Variants in ECM1 observed in about 807,000 individuals in gnomAD.
ECM1 encodes the protein secretory component p85.
ECM1 carries 54 observed loss-of-function variants against 57.9 expected under a neutral mutation model. The ratio of observed to expected loss-of-function variants is 0.93; its 90% CI spans 0.75 to 1.17. The LOEUF (loss-of-function observed/expected upper bound fraction) is 1.17. Among genes scored for constraint, ECM1 ranks in the 50% most tolerant of loss-of-function variants. The pLI, the probability that ECM1 is intolerant of heterozygous loss-of-function variation, is 0.00. For missense variants in ECM1, 649 were observed against 688.1 expected (o/e 0.94, Z 0.64); for synonymous variants, 237 against 259.1 (o/e 0.91, Z 0.82).
Position 150,512,550 on chromosome 1 carries a change from AACCAAAGAGTTCTC to A in ECM1, c.1288_1301del (p.Arg430AlafsTer2). 6.2e-7 allele frequency: 1 copy of A among 1,613,618 alleles called. No individual in the cohort carries two copies. Among genetic ancestry groups the A allele is most frequent in the Non-Finnish European group, 8.5e-7 (1 of 1,179,982 alleles). On this transcript the variant is annotated frameshift_variant, in exon 8 of 10. Coordinates refer to ENST00000369047, the MANE Select transcript of ECM1 (RefSeq NM_004425.4). LOFTEE classifies it high-confidence loss of function. ...CAACCTCATGGGCCACCTCTGTGGA[AACCAAAGAGTTCTC>A]ACCAAGCAGTAAGTTGCCTAGTCCT...
chr1:150,510,498 C>T (rs1670407475), intron 5 of ECM1: 3 of 558,840 alleles, frequency 5.4e-6, no homozygotes, highest in South Asian at 4.1e-5. Flanking sequence ...TTGCTTACTC[C>T]TTCTACCCAG....
At chr1:150,511,231 C>G in intron 6 of ECM1, 33 bp downstream of exon 6, 3 of 1,612,192 alleles carry the variant, frequency 1.9e-6, no homozygotes, top group Non-Finnish European at 2.5e-6. Context: ...GGGGGGTGTC[C>G]TTTAACCCCA....
At chr1:150,510,340 A>T in intron 5 of ECM1, 158 bp downstream of exon 5, 2 of 715,978 alleles carry the variant, frequency 2.8e-6, no homozygotes, top group Non-Finnish European at 4.9e-6. Context: ...TTCATCTGTA[A>T]AATTGAGGAT....
chr1:150,510,412 T>A, intron 5 of ECM1: 1 of 606,484 alleles, frequency 1.6e-6, no homozygotes, highest in Non-Finnish European at 2.9e-6. Context: ...TTCACTTGCT[T>A]CTCTGCTGAG....
rs768267204 is a variant in ECM1, at chr1:150,513,405, G to A, written c.1561G>A (p.Gly521Arg). 7.4e-6 allele frequency: 12 copies of A among 1,614,174 alleles called. No homozygotes were observed. The South Asian group carries it at 8.8e-5, about 12-fold the overall frequency. The change falls in exon 10 of 10, where the codon GGG (glycine) becomes AGG (arginine). Residue 521 changes from glycine (G) to arginine (R), a missense_variant. Gly to Arg is a moderately radical substitution (Grantham distance 125, BLOSUM62 -2). Coordinates refer to ENST00000369047, the MANE Select transcript of ECM1 (RefSeq NM_004425.4). ...AGACACTGAGAACGCCAAGGGCCAG[G>A]GGGAGCAGGGCTCAACTGGAGGAAC... ...SGDTENAKGQ[G>R]EQGSTGGTNI...
At position 150,510,995 on chromosome 1, in the gene ECM1, C is replaced by A. The variant is rs41264471; in HGVS notation, c.505C>A (p.Pro169Thr). The A allele has an allele frequency of 1.6e-5, 26 of 1,614,090 alleles. No homozygotes were observed. The highest frequency in any genetic ancestry group is 4.0e-5 in the African/African-American group (3 of 74,930). ...GGGCCACCGGCTGGATGGCTTCCCCCCTGGGCGGCCTTCTCCAGACAATCT... is the reference window on the plus strand; with the variant it reads ...GGGCCACCGGCTGGATGGCTTCCCCACTGGGCGGCCTTCTCCAGACAATCT... ...GWGHRLDGFP[P>T]GRPSPDNLNQ... The change falls in exon 6 of 10, where the codon CCT becomes ACT. Residue 169 changes from proline to threonine, a missense_variant. Physicochemically the swap from Pro to Thr is conservative, Grantham distance 38 (BLOSUM62 -1). Coordinates refer to ENST00000369047, the MANE Select transcript of ECM1 (RefSeq NM_004425.4).
chr1:150,509,685 C>A lies in ECM1; in HGVS notation c.146C>A (p.Pro49Gln), dbSNP rs757500507. ...QEVGYAAPPS[P>Q]PLSRSLPMDH... ...GTTGGCTACGCAGCTCCCCCCTCCC[C>A]ACCCCTATCCCGAAGCCTCCCCATG... Residue 49 changes from proline (P) to glutamine (Q), a missense_variant, in exon 3 of 10, where the codon CCA becomes CAA. Pro to Gln is a moderately conservative substitution (Grantham distance 76). Coordinates refer to ENST00000369047, the MANE Select transcript of ECM1 (RefSeq NM_004425.4). The A allele has an allele frequency of 1.2e-4, 189 of 1,612,580 alleles. No homozygotes were observed. The Admixed American group carries it at 2.6e-3, about 22-fold the overall frequency.
At chr1:150,509,083 T>G (rs587649235) in intron 1 of ECM1, among the ~76,000 whole-genome samples, 1 of 152,276 alleles carries the variant, frequency 6.6e-6, no homozygotes, top group African/African-American at 2.4e-5. Context: ...TAAAGATGTT[T>G]CAAGGGCCTG....
intron 5 of ECM1, 45 bp downstream of exon 5, chr1:150,510,227 T>G: frequency 2.0e-5 from 31 of 1,546,648 alleles, no homozygotes; most frequent in African/African-American, 2.7e-5. Context: ...CCTCATGGCC[T>G]TCCCCCAGAG....
intron 8 of ECM1, 45 bp downstream of exon 8, chr1:150,512,617 T>G: frequency 4.3e-6 from 7 of 1,612,940 alleles, no homozygotes; most frequent in Non-Finnish European, 5.9e-6. Flanking sequence ...TCCCGAAAAC[T>G]TCCTTTTGGG....
intron 5 of ECM1, chr1:150,510,615 C>T (rs1287372075): frequency 3.4e-6 from 2 of 590,870 alleles, no homozygotes. Flanking sequence ...TGCTCAGGAC[C>T]CTGGGGAGAG....
In ECM1 at chr1:150,513,637, G is replaced by C; in HGVS notation, c.*170G>C. On this transcript the variant is annotated 3_prime_UTR_variant, in exon 10 of 10. Coordinates refer to ENST00000369047, the MANE Select transcript of ECM1 (RefSeq NM_004425.4). ...GGTGCCCTGGCCCAGGAGGGCACTG[G>C]CGTTTTCAGACACACCACAGACAAA... is the stretch of plus-strand genomic sequence containing the variant. 2 of 646,956 alleles carry C rather than the reference G, an allele frequency of 3.1e-6. No individual in the cohort carries two copies. Among genetic ancestry groups the C allele is most frequent in the Non-Finnish European group, 5.3e-6 (2 of 378,486 alleles). 40.1% of individuals were successfully genotyped at this position (646,956 alleles called of 1,614,324 possible).
Position 150,513,346 on chromosome 1 carries a change from TC to T in ECM1, c.1503del (p.Asn502IlefsTer3), listed in dbSNP as rs1157037565. 1 of 1,614,056 alleles carries T rather than the reference TC, an allele frequency of 6.2e-7. No homozygotes were observed. Among genetic ancestry groups the T allele is most frequent in the Non-Finnish European group, 8.5e-7 (1 of 1,180,034 alleles). ...GATGAACAGGTCAACTGCTTCAACA[TC>T]AATTATCTGAGGAACGTGGCTCTAG... ...PGDEQVNCFNINYLRNVALVS... is the reference protein window; with the variant it reads ...PGDEQVNCFNXNYLRNVALVS... On this transcript the variant is annotated frameshift_variant, in exon 10 of 10. Coordinates refer to ENST00000369047, the MANE Select transcript of ECM1 (RefSeq NM_004425.4). LOFTEE classifies it high-confidence loss of function.
rs1670371479 is a variant in ECM1 at position 150,509,418 on chromosome 1, C to A, written c.71-113C>A. 12 of 1,164,676 alleles carry A rather than the reference C, an allele frequency of 1.0e-5. 1 individual carries two copies. The Admixed American group carries it at 2.1e-4, about 21-fold the overall frequency. 72.1% of individuals were successfully genotyped at this position (1,164,676 alleles called of 1,614,324 possible). ...GGGGCAGGTGAATACAGAGGGGCAT[C>A]TCGTGTCTTGCTTGTCTGTCCTACA... On this transcript the variant is annotated intron_variant, in intron 1 of 9. Coordinates refer to ENST00000369047, the MANE Select transcript of ECM1 (RefSeq NM_004425.4).
intron 1 of ECM1, among the ~76,000 whole-genome samples, chr1:150,508,730 AAC>A (rs1670345664): frequency 6.6e-6 from 1 of 152,116 alleles, no homozygotes; most frequent in Non-Finnish European, 1.5e-5. Flanking sequence ...ATCCAGCACA[AAC>A]ACATTCTTTA....
At chr1:150,511,354 C>T in intron 6 of ECM1, 103 bp from the exon 7 acceptor site, 2 of 1,604,388 alleles carry the variant, frequency 1.2e-6, no homozygotes, top group East Asian at 2.2e-5. Flanking sequence ...GAGCAGAGGA[C>T]AACCACTGTC....
In ECM1 at chr1:150,512,503, T is replaced by C. The variant is rs768183617; in HGVS notation, c.1235T>C (p.Ile412Thr). Residue 412 changes from isoleucine (I) to threonine (T), a missense_variant, in exon 8 of 10, where the codon ATT becomes ACT. Coordinates refer to ENST00000369047, the MANE Select transcript of ECM1 (RefSeq NM_004425.4). ...AACTATGACCGGGACATCTTGACCA[T>C]TGACATCGGTCGAGTCACCCCCAAC... Reference protein sequence around the residue: ...YPNYDRDILTIDIGRVTPNLM... With the variant: ...YPNYDRDILTTDIGRVTPNLM... 9.9e-6 allele frequency: 16 copies of C among 1,613,758 alleles called. No individual in the cohort carries two copies. The highest frequency in any genetic ancestry group is 1.6e-4 in the Middle Eastern group (1 of 6,084).
intron 7 of ECM1, 107 bp from the exon 8 acceptor site, chr1:150,512,245 G>A (rs1443661705): frequency 1.4e-5 from 18 of 1,300,180 alleles, no homozygotes; most frequent in Middle Eastern, 1.8e-4. Context: ...TGGGCCTCTC[G>A]GGCTGGGAGC....
intron 9 of ECM1, 45 bp from the exon 10 acceptor site, chr1:150,513,192 C>T (rs372955777): frequency 6.3e-7 from 1 of 1,598,758 alleles, no homozygotes. Context: ...TGTCCTTGGA[C>T]CACCTCCCCA....
Sources: allele counts gnomAD v4.1 joint callset (sites outside exome capture counted in the v4.1 genomes callset), GRCh38; gene constraint gnomAD v4.1.1; transcripts MANE v1.5; gene names NCBI Gene and HGNC (gene_info 2026-07-23, HGNC 2026-07-21).